The following DNAH9 variants were observed in gnomAD, a reference collection of about 807,000 sequenced individuals.
The protein encoded by DNAH9 is dynein axonemal heavy chain 9.
DNAH9 carries 345 observed loss-of-function variants against 471.6 expected under a neutral mutation model. That is an observed-to-expected ratio of 0.73 (90% CI 0.67 to 0.80). The LOEUF (loss-of-function observed/expected upper bound fraction) is 0.80. Ranked by LOEUF, DNAH9 falls within the 30% of genes least tolerant of loss-of-function variation. The probability of loss-of-function intolerance (pLI) is 0.00; values close to 1 mark genes in which losing one functional copy is unlikely to be tolerated. For missense variants in DNAH9, 5,407 were observed against 5,609.2 expected (o/e 0.96, Z 1.15); for synonymous variants, 2,093 against 2,123.6 (o/e 0.99, Z 0.40).
chr17:11,620,282 A>C (rs1352926843), intron 6 of DNAH9, among the ~76,000 whole-genome samples: 1 of 152,162 alleles, frequency 6.6e-6, no homozygotes, highest in Non-Finnish European at 1.5e-5. Context: ...GGGGAGGCCA[A>C]GGCAGGTGGA....
At chr17:11,693,839 G>A in intron 20 of DNAH9, 29 bp from the exon 21 acceptor site, 1 of 1,613,850 alleles carries the variant, frequency 6.2e-7, no homozygotes, top group Non-Finnish European at 8.5e-7. Flanking sequence ...TGGAGTGGTG[G>A]TTAATTGCTT....
Position 11,892,751 on chromosome 17 carries a change from A to G in DNAH9, c.11283+804A>G, listed in dbSNP as rs1241217747. On this transcript the variant is annotated intron_variant, in intron 58 of 68. Transcript: ENST00000262442. This position sits in a 1 kb window ranked among gnomAD's most constrained non-coding sequence, Gnocchi z 4.3. ...GTATTTTAAGTAGAGATGGGGTTTCACCATATTGGCCAGGCTCGTCTCAAA... is the reference window on the plus strand; with the variant it reads ...GTATTTTAAGTAGAGATGGGGTTTCGCCATATTGGCCAGGCTCGTCTCAAA... 6.6e-6 allele frequency among the ~76,000 whole-genome samples: 1 copy of G among 151,886 alleles called. No individual in the cohort carries two copies. The highest frequency in any genetic ancestry group is 1.5e-5 in the Non-Finnish European group (1 of 67,950).
intron 62 of DNAH9, 96 bp downstream of exon 62, chr17:11,924,037 C>A: frequency 6.7e-7 from 1 of 1,490,806 alleles, no homozygotes; most frequent in Non-Finnish European, 9.1e-7. Flanking sequence ...TTCTCCCCAT[C>A]TGTCCTTTCA....
intron 26 of DNAH9, among the ~76,000 whole-genome samples, chr17:11,707,571 G>T (rs979948433): frequency 6.6e-5 from 10 of 152,040 alleles, no homozygotes; most frequent in African/African-American, 2.4e-4. Flanking sequence ...TTCCTCCCCA[G>T]TCTGGAAGGG....
intron 32 of DNAH9, among the ~76,000 whole-genome samples, chr17:11,749,063 GGTTT>G (rs1169844301): frequency 7.8e-5 from 2 of 25,538 alleles, no homozygotes; most frequent in African/African-American, 1.8e-4. Flanking sequence ...TTTTTAAGAG[GGTTT>G]TTTTTTGTTT....
At chr17:11,827,208 A>T (rs1324523893) in intron 48 of DNAH9, among the ~76,000 whole-genome samples, 2 of 152,018 alleles carry the variant, frequency 1.3e-5, no homozygotes, top group Non-Finnish European at 2.9e-5. Context: ...AGCATCACCC[A>T]CTACCTCTTG....
chr17:11,619,481 G>C, intron 5 of DNAH9, 67 bp from the exon 6 acceptor site: 1 of 846,476 alleles, frequency 1.2e-6, no homozygotes, highest in Non-Finnish European at 2.0e-6. Flanking sequence ...ATTCAGTTCA[G>C]AGTTGGTGTT....
chr17:11,867,111 G>A (rs1013465041), intron 50 of DNAH9, among the ~76,000 whole-genome samples: 9 of 152,328 alleles, frequency 5.9e-5, no homozygotes, highest in Admixed American at 1.3e-4. Flanking sequence ...CGTCTTCTGC[G>A]TCGCTAACGC....
intron 41 of DNAH9, among the ~76,000 whole-genome samples, chr17:11,790,284 G>A (rs958779250): frequency 1.3e-5 from 2 of 151,990 alleles, no homozygotes; most frequent in African/African-American, 4.8e-5. Context: ...ATTTCACTGT[G>A]ATGGTGGGTA....
chr17:11,831,809 C>G (rs73296467), intron 48 of DNAH9, among the ~76,000 whole-genome samples: 1 of 152,096 alleles, frequency 6.6e-6, no homozygotes, highest in African/African-American at 2.4e-5. Context: ...CATCATGTGC[C>G]TGGTTCTTGA....
At chr17:11,918,627 G>A (rs775247186) in intron 61 of DNAH9, among the ~76,000 whole-genome samples, 14 of 152,132 alleles carry the variant, frequency 9.2e-5, no homozygotes, top group Non-Finnish European at 1.8e-4. Flanking sequence ...GTTTTTTTGT[G>A]GTGAGCGAAA....
rs1354489467 is a variant in DNAH9, at chr17:11,623,511, G to A, written c.1350+3730G>A. Among the ~76,000 whole-genome samples, 4 of 151,596 alleles carry A rather than the reference G, an allele frequency of 2.6e-5. No homozygotes were observed. Among genetic ancestry groups the A allele is most frequent in the Admixed American group, 6.6e-5 (1 of 15,192 alleles). On this transcript the variant is annotated intron_variant, in intron 6 of 68. Coordinates refer to ENST00000262442, the MANE Select transcript of DNAH9 (RefSeq NM_001372.4). The surrounding 1 kb of genome is among the most constrained non-coding windows in gnomAD (Gnocchi z 4.1). ...TCCCAAATGTCTGCTTAGATGCATC[G>A]CCCTTGCCCTTTGCCATCTTCCTCC...
chr17:11,904,629 T>TAA (rs1973524531), intron 60 of DNAH9, among the ~76,000 whole-genome samples: 1 of 20,802 alleles, frequency 4.8e-5, no homozygotes, highest in African/African-American at 1.9e-4. Flanking sequence ...AGACTCCATC[T>TAA]CAAAAAAAAA....
intron 26 of DNAH9, among the ~76,000 whole-genome samples, chr17:11,706,126 A>G (rs768102093): frequency 3.2e-4 from 49 of 152,168 alleles, no homozygotes; most frequent in Non-Finnish European, 5.9e-4. Context: ...CATAAAAAAG[A>G]CAGTAATACT....
In DNAH9 at chr17:11,699,661, C is replaced by T. The variant is rs2074556190; in HGVS notation, c.4873-70C>T. 5 of 1,426,934 alleles carry T rather than the reference C, an allele frequency of 3.5e-6. No homozygotes were observed. The South Asian group carries it at 3.5e-5, about 10-fold the overall frequency. 88.4% of individuals were successfully genotyped at this position (1,426,934 alleles called of 1,614,324 possible). Reference sequence around the variant, plus strand: ...TCACAATGATTGCCACATGGTAGGCCTCTAAACAATTCTAATAAGCAGCTT... The same window carrying T: ...TCACAATGATTGCCACATGGTAGGCTTCTAAACAATTCTAATAAGCAGCTT... On this transcript the variant is annotated intron_variant, in intron 22 of 68. Transcript: ENST00000262442.
Position 11,932,154 on chromosome 17 carries a change from C to T in DNAH9, c.12246C>T (p.Asp4082=). 1 of 1,614,112 alleles carries T rather than the reference C, an allele frequency of 6.2e-7. No homozygotes were observed. Among genetic ancestry groups the T allele is most frequent in the Non-Finnish European group, 8.5e-7 (1 of 1,180,038 alleles). Reference sequence around the variant, plus strand: ...GCTCATACCCCTTTAACACTGGAGACCTCACTATCTCTGTGAATGTCCTCT... The same window carrying T: ...GCTCATACCCCTTTAACACTGGAGATCTCACTATCTCTGTGAATGTCCTCT... ...WNRSYPFNTG[D]LTISVNVLYN... is the part of the protein sequence containing the mutation. Residue 4082 remains aspartate (D), a synonymous_variant, in exon 64 of 69, where the codon GAC becomes GAT. Coordinates refer to ENST00000262442, the MANE Select transcript of DNAH9 (RefSeq NM_001372.4). The surrounding 1 kb of genome is among the most constrained non-coding windows in gnomAD (Gnocchi z 4.3).
intron 38 of DNAH9, among the ~76,000 whole-genome samples, chr17:11,779,530 C>T (rs1968591889): frequency 6.6e-6 from 1 of 152,178 alleles, no homozygotes; most frequent in Admixed American, 6.5e-5. Flanking sequence ...TTCTTGCTAA[C>T]TGACATGGTT....
chr17:11,618,726 G>T (rs1475217464), intron 5 of DNAH9, among the ~76,000 whole-genome samples: 1 of 152,042 alleles, frequency 6.6e-6, no homozygotes, highest in Non-Finnish European at 1.5e-5. Context: ...CATTTTGCAG[G>T]CTGCAAAATA....
intron 54 of DNAH9, 118 bp from the exon 55 acceptor site, chr17:11,881,091 A>G: frequency 1.1e-6 from 1 of 931,114 alleles, no homozygotes; most frequent in Non-Finnish European, 1.7e-6. Context: ...GGCTCATCCT[A>G]GACATAGGAG....
Sources: gnomAD v4.1 joint callset for allele counts (sites outside exome capture counted in the v4.1 genomes callset) on GRCh38, gnomAD v4.1.1 for gene constraint, Gnocchi (gnomAD v3.1) non-coding constraint, MANE v1.5 for transcripts, NCBI Gene and HGNC (gene_info 2026-07-23, HGNC 2026-07-21) for gene names.